NUP85: variants seen among roughly 807,000 people sequenced by gnomAD.
NUP85 encodes nucleoporin 85, also known as nuclear pore complex protein Nup85.
Under a neutral mutation model 92.8 loss-of-function variants are expected in NUP85, and 23 were observed. The observed-to-expected ratio is 0.25, with a 90% CI of 0.18 to 0.35. NUP85 has a LOEUF of 0.35. Ranked by LOEUF, NUP85 falls within the 10% of genes least tolerant of loss-of-function variation. The pLI is 1.00. For missense variants in NUP85, 759 were observed against 822.8 expected (o/e 0.92, Z 0.95); for synonymous variants, 314 against 306.9 (o/e 1.02, Z -0.24).
chr17:75,217,523 T>C (rs1358773829), intron 6 of NUP85, among the ~76,000 whole-genome samples: 1 of 152,042 alleles, frequency 6.6e-6, no homozygotes, highest in Non-Finnish European at 1.5e-5. Flanking sequence ...TTTGTTTTGT[T>C]TTTTGAGACA....
chr17:75,229,263 A>T (rs565848769), intron 11 of NUP85: 1 of 630,012 alleles, frequency 1.6e-6, no homozygotes, highest in Admixed American at 6.3e-5. Context: ...CAAACCTCAC[A>T]CCCCATTTCC....
chr17:75,233,791 G>T (rs1319789564), intron 16 of NUP85, among the ~76,000 whole-genome samples: 2 of 152,024 alleles, frequency 1.3e-5, no homozygotes, highest in African/African-American at 4.8e-5. Context: ...GTAGAGATGG[G>T]GTTTCACCGT....
chr17:75,232,195 G>A (rs1341767235), intron 14 of NUP85: 13 of 574,226 alleles, frequency 2.3e-5, no homozygotes, highest in South Asian at 6.1e-5. Flanking sequence ...AAATCTACAC[G>A]CCATCTGGAA....
chr17:75,230,890 C>T (rs949634645), intron 11 of NUP85, among the ~76,000 whole-genome samples: 7 of 150,422 alleles, frequency 4.7e-5, no homozygotes, highest in African/African-American at 7.3e-5. Context: ...AGTGCACTCC[C>T]GTCTGGGTGA....
chr17:75,227,538 T>C (rs1470139705), intron 11 of NUP85, among the ~76,000 whole-genome samples: 1 of 152,082 alleles, frequency 6.6e-6, no homozygotes, highest in Non-Finnish European at 1.5e-5. Flanking sequence ...GGTTTCACCA[T>C]GTTGCCTAGG....
intron 16 of NUP85, among the ~76,000 whole-genome samples, chr17:75,233,434 T>C (rs1568096327): frequency 2.4e-4 from 7 of 29,770 alleles, no homozygotes; most frequent in South Asian, 5.1e-3. Flanking sequence ...TCTTTTATTT[T>C]TTCTTTTTTT....
rs1343830013 is a variant in NUP85, at chr17:75,231,886, C to G, written c.1303C>G (p.Leu435Val). ...DYCPELGRVS[L>V]ELHIERIPLN... ...CTGCCCCGAGCTGGGCCGAGTCTCC[C>G]TGGAGCTGCACATTGAGCGGATACC... is the stretch of plus-strand genomic sequence containing the variant. The change falls in exon 14 of 19, where the codon CTG (leucine) becomes GTG (valine). Residue 435 changes from leucine (L) to valine (V), a missense_variant. Coordinates refer to ENST00000245544, the MANE Select transcript of NUP85 (RefSeq NM_024844.5). The surrounding 1 kb of genome is among the most constrained non-coding windows in gnomAD (Gnocchi z 4.6). 1.2e-6 allele frequency: 2 copies of G among 1,614,184 alleles called. No individual in the cohort carries two copies. The highest frequency in any genetic ancestry group is 1.7e-5 in the Admixed American group (1 of 60,026).
At chr17:75,210,052 T>G in intron 3 of NUP85, 67 bp downstream of exon 3, 3 of 1,491,798 alleles carry the variant, frequency 2.0e-6, no homozygotes, top group Non-Finnish European at 2.7e-6. Flanking sequence ...AAGTACATTG[T>G]TGTCTTTTTG....
At chr17:75,235,460 T>C in intron 18 of NUP85, 118 bp from the exon 19 acceptor site, 1 of 698,808 alleles carries the variant, frequency 1.4e-6, no homozygotes, top group Non-Finnish European at 2.4e-6. Context: ...CATCGATAAT[T>C]TGCTGGAAGC....
chr17:75,225,495 T>C (rs1373938920), intron 9 of NUP85, 31 bp downstream of exon 9: 6 of 1,608,784 alleles, frequency 3.7e-6, no homozygotes, highest in Non-Finnish European at 5.1e-6. Flanking sequence ...TGCATCCATG[T>C]TGGCTTCCTA....
At position 75,231,480 on chromosome 17, in the gene NUP85, G is replaced by A; in HGVS notation, c.1178+57G>A. On this transcript the variant is annotated intron_variant, in intron 12 of 18. Coordinates refer to ENST00000245544, the MANE Select transcript of NUP85 (RefSeq NM_024844.5). This position sits in a 1 kb window ranked among gnomAD's most constrained non-coding sequence, Gnocchi z 4.6. Reference sequence around the variant, plus strand: ...TCTTACCACCAGGCCCCCGAGGGTGGTGTGAACTGAATGCCTGAAAGGGAG... The same window carrying A: ...TCTTACCACCAGGCCCCCGAGGGTGATGTGAACTGAATGCCTGAAAGGGAG... 3.7e-6 allele frequency: 6 copies of A among 1,609,824 alleles called. No homozygotes were observed. The highest frequency in any genetic ancestry group is 5.1e-6 in the Non-Finnish European group (6 of 1,176,058).
chr17:75,231,758 G>A lies in NUP85; in HGVS notation c.1245-70G>A, dbSNP rs2076069336. 6 of 1,607,578 alleles carry A rather than the reference G, an allele frequency of 3.7e-6. No homozygotes were observed. Among genetic ancestry groups the A allele is most frequent in the Middle Eastern group, 1.7e-4 (1 of 6,050 alleles). On this transcript the variant is annotated intron_variant, in intron 13 of 18. Transcript: ENST00000245544. The surrounding 1 kb of genome is among the most constrained non-coding windows in gnomAD (Gnocchi z 4.6). The stretch of plus-strand genomic sequence containing the variant: ...AAGGCTTCGGAAGGGTCAGTGAAAG[G>A]GAGCTGTAGGTGCCAGTCCTCGGAG...
Position 75,220,283 on chromosome 17 carries a change from C to T in NUP85, c.597+1977C>T, listed in dbSNP as rs997419183. On this transcript the variant is annotated intron_variant, in intron 7 of 18. Transcript: ENST00000245544. ...GGGACTACAGGCGCGCGTCACCATG[C>T]CCAGCTAATTTTTGTATTTTTAGTA... 2.6e-5 allele frequency among the ~76,000 whole-genome samples: 4 copies of T among 151,356 alleles called. No individual in the cohort carries two copies. In the East Asian group the frequency reaches 7.8e-4, roughly 30 times the overall value.
At chr17:75,232,096 T>G in intron 14 of NUP85, 117 bp downstream of exon 14, 1 of 1,091,904 alleles carries the variant, frequency 9.2e-7, no homozygotes, top group Non-Finnish European at 1.3e-6. Flanking sequence ...ACTGGAGACG[T>G]GGGGCTGTGG....
At chr17:75,218,520 A>G (rs1242153926) in intron 7 of NUP85, among the ~76,000 whole-genome samples, 1 of 151,820 alleles carries the variant, frequency 6.6e-6, no homozygotes, top group African/African-American at 2.4e-5. Context: ...AGACTTTTCC[A>G]GGGTAAAAGG....
At chr17:75,234,376 C>A (rs771536219) in intron 16 of NUP85, among the ~76,000 whole-genome samples, 17 of 152,152 alleles carry the variant, frequency 1.1e-4, no homozygotes, top group Non-Finnish European at 2.2e-4. Flanking sequence ...CTCTTTTAAT[C>A]CATGACTCTT....
At chr17:75,227,920 CGTA>C (rs1011320351) in intron 11 of NUP85, 1 of 152,384 alleles carries the variant, frequency 6.6e-6, no homozygotes, top group African/African-American at 2.4e-5. Flanking sequence ...GGATTACAGG[CGTA>C]AGCCACCATG....
intron 3 of NUP85, among the ~76,000 whole-genome samples, chr17:75,210,928 C>T (rs570788186): frequency 1.3e-5 from 2 of 150,968 alleles, no homozygotes; most frequent in African/African-American, 2.4e-5. Flanking sequence ...GTCTCGATCT[C>T]GTGACCTCGT....
chr17:75,213,138 A>T lies in NUP85; in HGVS notation c.405+19A>T, dbSNP rs780275394. 1 of 1,612,514 alleles carries T rather than the reference A, an allele frequency of 6.2e-7. No individual in the cohort carries two copies. The highest frequency in any genetic ancestry group is 2.2e-5 in the East Asian group (1 of 44,858). ...CAGCCAGGTAAGGGGAGTCACCTTT[A>T]TTGTTTTAGCACCACTGTGTCCTGT... On this transcript the variant is annotated intron_variant, in intron 5 of 18. Coordinates refer to ENST00000245544, the MANE Select transcript of NUP85 (RefSeq NM_024844.5).
Sources: allele counts gnomAD v4.1 joint callset (sites outside exome capture counted in the v4.1 genomes callset), GRCh38; gene constraint gnomAD v4.1.1; non-coding constraint Gnocchi (gnomAD v3.1); transcripts MANE v1.5; gene names NCBI Gene and HGNC (gene_info 2026-07-23, HGNC 2026-07-21).